PTTG1IP: variants seen among roughly 807,000 people sequenced by gnomAD.
PTTG1IP encodes the protein pituitary tumor-transforming gene 1 protein-interacting protein.
Under a neutral mutation model 24.4 loss-of-function variants are expected in PTTG1IP, and 16 were observed. The ratio of observed to expected loss-of-function variants is 0.66; its 90% CI spans 0.44 to 1.00. The LOEUF is 1.00. Ranked by LOEUF, PTTG1IP falls within the 50% of genes least tolerant of loss-of-function variation. PTTG1IP has a pLI of 0.00. For synonymous variants in PTTG1IP, 89 were observed against 96.8 expected, an observed-to-expected ratio of 0.92 and a Z score of 0.47; for missense variants, 241 against 245.8, an observed-to-expected ratio of 0.98 and a Z score of 0.13.
rs761164176 is a variant in PTTG1IP at position 44,861,221 on chromosome 21, G to A, written c.219C>T (p.Ser73=). 21 of 1,613,982 alleles carry A rather than the reference G, an allele frequency of 1.3e-5. No homozygotes were observed. Among genetic ancestry groups the A allele is most frequent in the Admixed American group, 3.3e-5 (2 of 59,994 alleles). ...TACAAAGGGAAGCCGGTGGCAAGAC[G>A]CTTGTAACTGGGTAGTCCAGACAAG... ...NKACLDYPVT[S]VLPPASLCKL... is the part of the protein sequence containing the mutation. Residue 73 remains serine, a synonymous_variant, in exon 3 of 6, where the codon AGC becomes AGT. Coordinates refer to ENST00000330938, the MANE Select transcript of PTTG1IP (RefSeq NM_004339.4).
At chr21:44,868,682 G>C (rs911925833) in intron 1 of PTTG1IP, among the ~76,000 whole-genome samples, 12 of 152,246 alleles carry the variant, frequency 7.9e-5, no homozygotes, top group Middle Eastern at 3.2e-3. Context: ...GAAATAAAGA[G>C]AAGGCCGAGT....
rs2083607106 is a variant in PTTG1IP, at chr21:44,873,442, G to A, written c.115+60C>T. 16 of 1,298,350 alleles carry A rather than the reference G, an allele frequency of 1.2e-5. No homozygotes were observed. In the East Asian group the frequency reaches 5.1e-4, roughly 41 times the overall value. The allele number at this position is 1,298,350 out of a possible 1,614,324, so 80.4% of individuals were successfully genotyped here. The stretch of plus-strand genomic sequence containing the variant: ...TGGCCGAAACCCCGACCCCGACCCC[G>A]ACCTGGACCCACCAGCCGCCCCGCC... On this transcript the variant is annotated intron_variant, in intron 1 of 5. Transcript: ENST00000330938.
At chr21:44,856,894 G>A (rs1201734674) in intron 3 of PTTG1IP, among the ~76,000 whole-genome samples, 1 of 152,166 alleles carries the variant, frequency 6.6e-6, no homozygotes, top group East Asian at 1.9e-4. Flanking sequence ...GACCGTGGAG[G>A]AGCGGACGAG....
chr21:44,872,498 C>A (rs963051633), intron 1 of PTTG1IP, among the ~76,000 whole-genome samples: 1 of 152,150 alleles, frequency 6.6e-6, no homozygotes, highest in Admixed American at 6.6e-5. Flanking sequence ...GTTAAGGTGG[C>A]ACTATTCCCC....
At chr21:44,864,751 G>A (rs1203399765) in intron 2 of PTTG1IP, among the ~76,000 whole-genome samples, 3 of 152,338 alleles carry the variant, frequency 2.0e-5, no homozygotes, top group East Asian at 1.9e-4. Flanking sequence ...CCCACCACGG[G>A]TGCTCCTTCT....
intron 2 of PTTG1IP, among the ~76,000 whole-genome samples, chr21:44,863,244 AGAG>A: frequency 6.9e-6 from 1 of 145,862 alleles, no homozygotes; most frequent in Non-Finnish European, 1.5e-5. Flanking sequence ...CCTCAGCAGC[AGAG>A]ACACAGCCCG....
Position 44,855,264 on chromosome 21 carries a change from A to C in PTTG1IP, c.450-8T>G. The C allele has an allele frequency of 1.2e-6, 2 of 1,609,400 alleles. No homozygotes were observed. Among genetic ancestry groups the C allele is most frequent in the South Asian group, 2.2e-5 (2 of 90,974 alleles). On this transcript the variant is annotated splice_region_variant and splice_polypyrimidine_tract_variant and intron_variant, in intron 4 of 5. Transcript: ENST00000330938. ...GTCTTCATCTCTGCTCTCCTAAAAC[A>C]CAGAGGAACATTATGAGCACCAAAC...
At chr21:44,861,841 C>T in intron 2 of PTTG1IP, 3 of 717,556 alleles carry the variant, frequency 4.2e-6, no homozygotes, top group Non-Finnish European at 7.8e-6. Flanking sequence ...ATCACAGGCA[C>T]TCACTGAGTT....
chr21:44,869,702 T>C (rs1404013308), intron 1 of PTTG1IP, among the ~76,000 whole-genome samples: 1 of 152,234 alleles, frequency 6.6e-6, no homozygotes, highest in Admixed American at 6.5e-5. Flanking sequence ...ATGTTGAGAA[T>C]GGAAGGGCAT....
chr21:44,859,688 TCACA>T (rs1267331682), intron 3 of PTTG1IP, among the ~76,000 whole-genome samples: 3 of 152,000 alleles, frequency 2.0e-5, no homozygotes, highest in Non-Finnish European at 2.9e-5. Flanking sequence ...CACACATGCA[TCACA>T]CACAGTACAC....
intron 4 of PTTG1IP, among the ~76,000 whole-genome samples, chr21:44,855,751 C>T (rs2083444791): frequency 1.3e-5 from 2 of 151,902 alleles, no homozygotes; most frequent in Non-Finnish European, 2.9e-5. Flanking sequence ...ACACCACCTC[C>T]TCCTGGGGTT....
At chr21:44,864,376 C>A (rs2083518138) in intron 2 of PTTG1IP, among the ~76,000 whole-genome samples, 1 of 152,156 alleles carries the variant, frequency 6.6e-6, no homozygotes, top group African/African-American at 2.4e-5. Flanking sequence ...AACCAAAGGA[C>A]CCTGTTCACA....
At chr21:44,871,984 G>A (rs541850869) in intron 1 of PTTG1IP, among the ~76,000 whole-genome samples, 176 of 152,188 alleles carry the variant, frequency 1.2e-3, no homozygotes, top group Non-Finnish European at 1.9e-3. Context: ...CACTCCACTC[G>A]TCCACACCCA....
At chr21:44,865,272 C>G in intron 2 of PTTG1IP, 123 bp downstream of exon 2, 1 of 942,980 alleles carries the variant, frequency 1.1e-6, no homozygotes, top group African/African-American at 1.7e-5. Context: ...CAAAAAACAT[C>G]CCCCCAAATC....
At position 44,862,598 on chromosome 21, in the gene PTTG1IP, G is replaced by T. The variant is rs140790479; in HGVS notation, c.169-1327C>A. Among the ~76,000 whole-genome samples the T allele has an allele frequency of 6.0e-3, 909 of 152,312 alleles. 28 individuals carry two copies. Among genetic ancestry groups the T allele is most frequent in the Admixed American group, 0.051 (783 of 15,304 alleles). ...GTCCAGACCCAAGTCCAGACTGCCT[G>T]TTACTCCCAATCTCCACATTAACAG... On this transcript the variant is annotated intron_variant, in intron 2 of 5. Coordinates refer to ENST00000330938, the MANE Select transcript of PTTG1IP (RefSeq NM_004339.4).
At chr21:44,864,538 A>T (rs906162202) in intron 2 of PTTG1IP, among the ~76,000 whole-genome samples, 1 of 152,224 alleles carries the variant, frequency 6.6e-6, no homozygotes. Context: ...CTGGGATTAC[A>T]GGCACCCGCC....
At chr21:44,855,975 G>A (rs982779695) in intron 4 of PTTG1IP, among the ~76,000 whole-genome samples, 36 of 152,304 alleles carry the variant, frequency 2.4e-4, no homozygotes, top group African/African-American at 8.7e-4. Flanking sequence ...AGGACACCGG[G>A]CGAGGAAGCC....
chr21:44,858,544 A>G (rs2083465875), intron 3 of PTTG1IP, among the ~76,000 whole-genome samples: 1 of 152,136 alleles, frequency 6.6e-6, no homozygotes, highest in Admixed American at 6.5e-5. Context: ...AAACAAGCCC[A>G]TCGCACCCCA....
At chr21:44,865,501 T>C (rs67786546) in intron 1 of PTTG1IP, 54 bp from the exon 2 acceptor site, 118,583 of 1,588,408 alleles carry the variant, frequency 0.075, 4,613 homozygotes, top group East Asian at 0.086. Flanking sequence ...GCAGTGTAAA[T>C]ATTAGTCCAG....
Sources: gnomAD v4.1 joint callset for allele counts (sites outside exome capture counted in the v4.1 genomes callset) on GRCh38, gnomAD v4.1.1 for gene constraint, MANE v1.5 for transcripts, NCBI Gene and HGNC (gene_info 2026-07-23, HGNC 2026-07-21) for gene names.